ITGB5: variants seen among roughly 807,000 people sequenced by gnomAD.
The protein encoded by ITGB5 is integrin subunit beta 5.
In ITGB5, 38 loss-of-function variants were observed where a neutral mutation model predicts 84.8. The observed-to-expected ratio is 0.45, with a 90% confidence interval of 0.35 to 0.59. The LOEUF (loss-of-function observed/expected upper bound fraction) is 0.59. ITGB5 is among the 20% of genes least tolerant of loss of function. The pLI is 0.01. For synonymous variants in ITGB5, 393 were observed against 414.4 expected (o/e 0.95, Z 0.63); for missense variants, 905 against 1,034.5 (o/e 0.87, Z 1.72).
chr3:124,871,336 A>G (rs147394895), intron 2 of ITGB5, among the ~76,000 whole-genome samples: 3,241 of 152,264 alleles, frequency 0.021, 108 homozygotes, highest in African/African-American at 0.074. Flanking sequence ...CTGGGATTAC[A>G]GGTGCATGAC....
At chr3:124,853,509 G>A (rs568547845) in intron 3 of ITGB5, among the ~76,000 whole-genome samples, 5 of 152,158 alleles carry the variant, frequency 3.3e-5, no homozygotes, top group Non-Finnish European at 7.4e-5. Context: ...CCCAGGGCTC[G>A]ATACTTCTGG....
At chr3:124,772,108 G>C (rs887380248) in intron 11 of ITGB5, among the ~76,000 whole-genome samples, 4 of 152,186 alleles carry the variant, frequency 2.6e-5, no homozygotes, top group Non-Finnish European at 4.4e-5. Context: ...GATACAAAAC[G>C]TGGATAATGG....
chr3:124,875,496 G>C (rs76957849), intron 1 of ITGB5, among the ~76,000 whole-genome samples: 2 of 115,116 alleles, frequency 1.7e-5, no homozygotes. Context: ...AAAAAAAAAA[G>C]ACAAAAGCCA....
At chr3:124,878,230 C>T (rs1234934309) in intron 1 of ITGB5, among the ~76,000 whole-genome samples, 2 of 152,126 alleles carry the variant, frequency 1.3e-5, no homozygotes, top group Non-Finnish European at 2.9e-5. Flanking sequence ...GGCTGGAGGT[C>T]CAGGGCTCAG....
intron 2 of ITGB5, among the ~76,000 whole-genome samples, chr3:124,861,495 TACACACAC>T (rs1553766077): frequency 1.4e-4 from 16 of 112,014 alleles, no homozygotes; most frequent in African/African-American, 2.3e-4. Context: ...TATATATATA[TACACACAC>T]ACACACACAC....
chr3:124,873,599 TA>T, intron 1 of ITGB5, 68 bp from the exon 2 acceptor site: 1 of 1,148,028 alleles, frequency 8.7e-7, no homozygotes, highest in South Asian at 1.2e-5. Context: ...AGCCTTTGAA[TA>T]GGGGGAATTA....
chr3:124,763,505 G>T lies in ITGB5; in HGVS notation c.*118C>A. On this transcript the variant is annotated 3_prime_UTR_variant, in exon 15 of 15. Transcript: ENST00000296181. ...GTGGGCTCCTGGCCCAGGCTCACTA[G>T]AAGGTCTTCTCTGTGGTGCCTACCT... The T allele has an allele frequency of 1.6e-6, 1 of 629,934 alleles. No individual in the cohort carries two copies. The highest frequency in any genetic ancestry group is 2.9e-6 in the Non-Finnish European group (1 of 348,612). The allele number at this position is 629,934 out of a possible 1,614,324, so 39.0% of individuals were successfully genotyped here.
chr3:124,889,810 C>G (rs558077991), upstream of ITGB5, among the ~76,000 whole-genome samples: 1 of 152,064 alleles, frequency 6.6e-6, no homozygotes, highest in Non-Finnish European at 1.5e-5. Flanking sequence ...GGCCAAAGTT[C>G]GAGATGAGCC....
At chr3:124,833,375 T>C (rs1232885121) in intron 5 of ITGB5, among the ~76,000 whole-genome samples, 1 of 152,238 alleles carries the variant, frequency 6.6e-6, no homozygotes, top group Non-Finnish European at 1.5e-5. Context: ...TAAATATCAA[T>C]AATTTTATAT....
chr3:124,870,999 C>T (rs1292027081), intron 2 of ITGB5, among the ~76,000 whole-genome samples: 1 of 151,780 alleles, frequency 6.6e-6, no homozygotes, highest in South Asian at 2.1e-4. Context: ...AAGTGATCCT[C>T]CCACCTCAGC....
chr3:124,777,539 C>A (rs543483934), intron 10 of ITGB5, among the ~76,000 whole-genome samples: 1 of 152,364 alleles, frequency 6.6e-6, no homozygotes, highest in South Asian at 2.1e-4. Context: ...AGTTCCCTGC[C>A]TTTCAGAGAC....
At position 124,817,138 on chromosome 3, in the gene ITGB5, T is replaced by G. The variant is rs61761667; in HGVS notation, c.1128+483A>C. Reference sequence around the variant, plus strand: ...GTTAGTCTGCAGCTCTACCCTGAGCTCCATGAGCCTGAGGGATTCCCGCCC... The same window carrying G: ...GTTAGTCTGCAGCTCTACCCTGAGCGCCATGAGCCTGAGGGATTCCCGCCC... On this transcript the variant is annotated intron_variant, in intron 8 of 14. Coordinates refer to ENST00000296181, the MANE Select transcript of ITGB5 (RefSeq NM_002213.5). Among the ~76,000 whole-genome samples the G allele has an allele frequency of 2.8e-3, 429 of 152,260 alleles. 1 individual carries two copies. The highest frequency in any genetic ancestry group is 1.0e-2 in the African/African-American group (415 of 41,540).
chr3:124,876,697 C>T (rs1934334432), intron 1 of ITGB5, among the ~76,000 whole-genome samples: 1 of 152,200 alleles, frequency 6.6e-6, no homozygotes, highest in Non-Finnish European at 1.5e-5. Context: ...TCCACCAGCC[C>T]TAACCCTGAA....
intron 10 of ITGB5, among the ~76,000 whole-genome samples, chr3:124,782,920 G>A (rs1291080799): frequency 6.6e-6 from 1 of 152,122 alleles, no homozygotes; most frequent in Non-Finnish European, 1.5e-5. Context: ...CTTGCAGTGA[G>A]TGTGGTGCAG....
chr3:124,829,448 A>C (rs1233172341), intron 5 of ITGB5, among the ~76,000 whole-genome samples: 1 of 152,238 alleles, frequency 6.6e-6, no homozygotes, highest in Non-Finnish European at 1.5e-5. Context: ...TTCACTGTCA[A>C]ATTCACCACG....
rs1392270541 is a variant in ITGB5, at chr3:124,887,078, G to T, written c.-78C>A. 1 of 502,616 alleles carries T rather than the reference G, an allele frequency of 2.0e-6. No individual in the cohort carries two copies. Among genetic ancestry groups the T allele is most frequent in the Non-Finnish European group, 2.6e-6 (1 of 390,066 alleles). 31.1% of individuals were successfully genotyped at this position (502,616 alleles called of 1,614,324 possible). ...GCGGCCGGGGCTGGGGCCGGAGCGC[G>T]GGGGCCGAGGGCCGGGGGCCGCAGC... is the stretch of plus-strand genomic sequence containing the variant. On this transcript the variant is annotated 5_prime_UTR_variant, in exon 1 of 15. Coordinates refer to ENST00000296181, the MANE Select transcript of ITGB5 (RefSeq NM_002213.5).
chr3:124,838,297 A>G (rs185554803), intron 5 of ITGB5, among the ~76,000 whole-genome samples: 1 of 152,254 alleles, frequency 6.6e-6, no homozygotes, highest in African/African-American at 2.4e-5. Context: ...CCTATCACCT[A>G]TCAGAAAAAT....
At chr3:124,853,847 A>G (rs187079948) in intron 3 of ITGB5, among the ~76,000 whole-genome samples, 126 of 152,348 alleles carry the variant, frequency 8.3e-4, no homozygotes, top group African/African-American at 2.9e-3. Context: ...TACTTTTGCA[A>G]CTTCTTGTGA....
chr3:124,781,833 T>C (rs1401106373), intron 10 of ITGB5, among the ~76,000 whole-genome samples: 1 of 152,196 alleles, frequency 6.6e-6, no homozygotes, highest in Non-Finnish European at 1.5e-5. Context: ...CCCTCCACTG[T>C]GCAACTCCTC....
Sources: allele counts gnomAD v4.1 joint callset (sites outside exome capture counted in the v4.1 genomes callset), GRCh38; gene constraint gnomAD v4.1.1; transcripts MANE v1.5; gene names NCBI Gene and HGNC (gene_info 2026-07-23, HGNC 2026-07-21).